DNAAF4: variants seen among roughly 807,000 people sequenced by gnomAD.
DNAAF4 encodes the protein dynein axonemal assembly factor 4.
In DNAAF4, 43 loss-of-function variants were observed where a neutral mutation model predicts 51.8. That is an observed-to-expected ratio of 0.83 (90% CI 0.65 to 1.07). The LOEUF (loss-of-function observed/expected upper bound fraction) is 1.07, where lower values mean the gene tolerates loss of function less well. Ranked by LOEUF, DNAAF4 falls within the 50% of genes least tolerant of loss-of-function variation. The probability of loss-of-function intolerance (pLI) is 0.00; values close to 1 mark genes in which losing one functional copy is unlikely to be tolerated. For missense variants in DNAAF4, 581 were observed against 493.0 expected (o/e 1.18, Z -1.69); for synonymous variants, 194 against 165.6 (o/e 1.17, Z -1.32).
chr15:55,500,422 T>C (rs975623656), intron 1 of DNAAF4, among the ~76,000 whole-genome samples: 2 of 152,232 alleles, frequency 1.3e-5, no homozygotes, highest in Admixed American at 1.3e-4. Context: ...TTTTACCATA[T>C]TGTTTCCAAA....
chr15:55,475,050 T>C (rs1400594495), intron 4 of DNAAF4, among the ~76,000 whole-genome samples: 3 of 152,140 alleles, frequency 2.0e-5, no homozygotes, highest in Non-Finnish European at 4.4e-5. Flanking sequence ...TGCTGAGAGA[T>C]GTAAAGTATA....
At chr15:55,426,172 T>A (rs770147035), downstream of DNAAF4, among the ~76,000 whole-genome samples, 1 of 152,122 alleles carries the variant, frequency 6.6e-6, no homozygotes, top group South Asian at 2.1e-4. Context: ...GATGAGCCAG[T>A]TTATTGAGCT....
intron 4 of DNAAF4, among the ~76,000 whole-genome samples, chr15:55,479,744 C>T (rs375351648): frequency 2.2e-4 from 33 of 152,116 alleles, no homozygotes; most frequent in African/African-American, 5.8e-4. Context: ...TATAAATGGC[C>T]GCTCTGGGCT....
At chr15:55,437,887 A>G (rs375670780) in intron 7 of DNAAF4, among the ~76,000 whole-genome samples, 2 of 152,202 alleles carry the variant, frequency 1.3e-5, no homozygotes, top group Admixed American at 6.5e-5. Context: ...TTACAGAACT[A>G]TAAGATAATA....
intron 7 of DNAAF4, among the ~76,000 whole-genome samples, chr15:55,419,400 G>GGT (rs377523924): frequency 0.029 from 4,312 of 148,122 alleles, 158 homozygotes; most frequent in African/African-American, 0.086. Context: ...TAATTTGTGG[G>GGT]GTGTGTGTGT....
At chr15:55,418,433 C>G in intron 7 of DNAAF4, 1 of 1,524,800 alleles carries the variant, frequency 6.6e-7, no homozygotes, top group Non-Finnish European at 8.8e-7. Flanking sequence ...ACAGTTTTTC[C>G]CCTGCAATTA....
At chr15:55,485,733 G>A (rs1477016054) in intron 4 of DNAAF4, among the ~76,000 whole-genome samples, 9 of 152,244 alleles carry the variant, frequency 5.9e-5, no homozygotes, top group African/African-American at 2.2e-4. Flanking sequence ...AGTGGCTCAC[G>A]CCTGTAATCC....
At chr15:55,454,160 G>C (rs1349959534) in intron 5 of DNAAF4, among the ~76,000 whole-genome samples, 1 of 151,494 alleles carries the variant, frequency 6.6e-6, no homozygotes, top group African/African-American at 2.4e-5. Context: ...AATTAGCTTG[G>C]TGTGGTGGTG....
intron 4 of DNAAF4, among the ~76,000 whole-genome samples, chr15:55,485,610 G>A (rs980477996): frequency 2.6e-5 from 4 of 151,996 alleles, no homozygotes; most frequent in African/African-American, 9.7e-5. Context: ...GAGTTCCATT[G>A]AAGCGGAAAA....
intron 8 of DNAAF4, among the ~76,000 whole-genome samples, chr15:55,433,895 T>A (rs1326237291): frequency 2.4e-4 from 11 of 45,728 alleles, no homozygotes; most frequent in African/African-American, 1.1e-3. Flanking sequence ...TATATATATA[T>A]TATATATATT....
downstream of DNAAF4, among the ~76,000 whole-genome samples, chr15:55,428,441 G>A (rs1028125883): frequency 7.1e-6 from 1 of 141,452 alleles, no homozygotes; most frequent in Non-Finnish European, 1.5e-5. Context: ...TTAAAAGCAA[G>A]ATAAATTCAG....
At chr15:55,477,583 GAAC>G (rs1377940976) in intron 4 of DNAAF4, among the ~76,000 whole-genome samples, 1 of 151,708 alleles carries the variant, frequency 6.6e-6, no homozygotes, top group Non-Finnish European at 1.5e-5. Context: ...AAGGAACACA[GAAC>G]AACCACTGAA....
chr15:55,492,507 A>G (rs927417727), intron 3 of DNAAF4, among the ~76,000 whole-genome samples: 6 of 152,174 alleles, frequency 3.9e-5, no homozygotes, highest in Non-Finnish European at 7.4e-5. Flanking sequence ...CAGTTATATC[A>G]AAACACTTAT....
At chr15:55,493,771 A>G (rs1451749449) in intron 3 of DNAAF4, among the ~76,000 whole-genome samples, 2 of 152,134 alleles carry the variant, frequency 1.3e-5, no homozygotes, top group Admixed American at 6.6e-5. Context: ...CATTATGAGC[A>G]TGGCTTACTG....
At chr15:55,472,773 A>G (rs965358580) in intron 4 of DNAAF4, among the ~76,000 whole-genome samples, 3 of 152,202 alleles carry the variant, frequency 2.0e-5, no homozygotes, top group African/African-American at 7.2e-5. Context: ...GAGGAAATGT[A>G]TAATTCTTTT....
intron 5 of DNAAF4, among the ~76,000 whole-genome samples, chr15:55,464,882 G>A (rs2058145918): frequency 6.6e-6 from 1 of 152,170 alleles, no homozygotes; most frequent in African/African-American, 2.4e-5. Flanking sequence ...TTGAACCTGG[G>A]AGGCAGAGGT....
At chr15:55,491,301 G>A in intron 3 of DNAAF4, 45 bp from the exon 4 acceptor site, 1 of 1,572,734 alleles carries the variant, frequency 6.4e-7, no homozygotes, top group Non-Finnish European at 8.6e-7. Flanking sequence ...TGACAAATTT[G>A]CTTTACTTAT....
chr15:55,473,444 T>G (rs2058295748), intron 4 of DNAAF4, among the ~76,000 whole-genome samples: 2 of 150,152 alleles, frequency 1.3e-5, no homozygotes, highest in African/African-American at 4.9e-5. Context: ...TAGGGGTAAC[T>G]TAACCTAGGA....
At chr15:55,453,786 G>A (rs1160788426) in intron 5 of DNAAF4, among the ~76,000 whole-genome samples, 7 of 151,794 alleles carry the variant, frequency 4.6e-5, no homozygotes, top group African/African-American at 7.2e-5. Context: ...TCCTGACCTC[G>A]TGATCCACCC....
Sources: gnomAD v4.1 joint callset for allele counts (sites outside exome capture counted in the v4.1 genomes callset) on GRCh38, gnomAD v4.1.1 for gene constraint, MANE v1.5 for transcripts, NCBI Gene and HGNC (gene_info 2026-07-23, HGNC 2026-07-21) for gene names.